The following TTC32 variants were observed in gnomAD, a reference collection of about 807,000 sequenced individuals.
The protein encoded by TTC32 is tetratricopeptide repeat protein 32.
Under a neutral mutation model 15.3 loss-of-function variants are expected in TTC32, and 16 were observed. The ratio of observed to expected loss-of-function variants is 1.05; its 90% CI spans 0.71 to 1.59. The LOEUF (loss-of-function observed/expected upper bound fraction) is 1.59, where lower values mean the gene tolerates loss of function less well. Among genes scored for constraint, TTC32 ranks in the 40% most tolerant of loss-of-function variants. The pLI is 0.00. For missense variants in TTC32, 188 were observed against 181.9 expected (o/e 1.03, Z -0.19); for synonymous variants, 89 against 67.8 (o/e 1.31, Z -1.53).
intron 1 of TTC32, 118 bp from the exon 2 acceptor site, chr2:19,898,153 G>T: frequency 1.1e-6 from 1 of 899,812 alleles, no homozygotes. Flanking sequence ...CATCAACACT[G>T]AAAATCCAAG....
rs1169174665 is a variant in TTC32, at chr2:19,901,970, C to G, written c.-116G>C. On this transcript the variant is annotated 5_prime_UTR_variant, in exon 1 of 3. Transcript: ENST00000333610. ...TCTACCTTGACAGCCAACCTTGGCG[C>G]TAGGTTTGTGCCTTATGGGGATCCG... 9.6e-6 allele frequency: 13 copies of G among 1,352,236 alleles called. No homozygotes were observed. In the South Asian group the frequency reaches 1.5e-4, roughly 16 times the overall value. 83.8% of individuals were successfully genotyped at this position (1,352,236 alleles called of 1,614,324 possible).
chr2:19,899,011 A>G (rs957136218), intron 1 of TTC32, among the ~76,000 whole-genome samples: 1 of 152,236 alleles, frequency 6.6e-6, no homozygotes, highest in Non-Finnish European at 1.5e-5. Context: ...GTCCTCCGAA[A>G]GTATCTGTGA....
rs1465863904 is a variant in TTC32, at chr2:19,897,134, A to G, written c.317-8T>C. On this transcript the variant is annotated splice_region_variant and splice_polypyrimidine_tract_variant and intron_variant, in intron 2 of 2. Coordinates refer to ENST00000333610, the MANE Select transcript of TTC32 (RefSeq NM_001008237.3). ...AAGCATCATCAAAATATCCTGTACC[A>G]GAACCCAAAAAATGGAAAAGAGAAA... The G allele has an allele frequency of 6.3e-7, 1 of 1,577,112 alleles. No individual in the cohort carries two copies. The highest frequency in any genetic ancestry group is 1.2e-5 in the South Asian group (1 of 82,726).
Position 19,901,950 on chromosome 2 carries a change from C to T in TTC32, c.-96G>A. On this transcript the variant is annotated 5_prime_UTR_variant, in exon 1 of 3. Coordinates refer to ENST00000333610, the MANE Select transcript of TTC32 (RefSeq NM_001008237.3). ...GCCACTTCCACACCCTGGAATCTAC[C>T]TTGACAGCCAACCTTGGCGCTAGGT... 1.4e-6 allele frequency: 2 copies of T among 1,466,504 alleles called. No homozygotes were observed. The highest frequency in any genetic ancestry group is 9.3e-7 in the Non-Finnish European group (1 of 1,072,324). 90.8% of individuals were successfully genotyped at this position (1,466,504 alleles called of 1,614,324 possible).
intron 1 of TTC32, chr2:19,901,070 A>AT (rs1250218149): frequency 2.1e-6 from 1 of 471,334 alleles, no homozygotes; most frequent in South Asian, 1.5e-5. Context: ...TGACGACTTG[A>AT]TATTAAGTAA....
intron 1 of TTC32, chr2:19,898,451 A>T (rs537986456): frequency 6.4e-6 from 1 of 155,044 alleles, no homozygotes; most frequent in African/African-American, 2.4e-5. Flanking sequence ...AATCAATTTC[A>T]TTCTCAAATT....
chr2:19,897,982 T>C lies in TTC32; in HGVS notation c.203A>G (p.Lys68Arg), dbSNP rs759285081. The C allele has an allele frequency of 1.9e-6, 3 of 1,609,978 alleles. No individual in the cohort carries two copies. The highest frequency in any genetic ancestry group is 2.2e-5 in the East Asian group (1 of 44,798). The stretch of plus-strand genomic sequence containing the variant: ...TTCATAAAAATCAACCCTGAAGTAC[T>C]TGATTTGCCCCCTGTTGTTATATGC... ...ATAYNNRGQI[K>R]YFRVDFYEAM... The change falls in exon 2 of 3, where the codon AAG (lysine) becomes AGG (arginine). Residue 68 changes from lysine to arginine, a missense_variant. By Grantham distance (26) the Lys-to-Arg change is conservative. Coordinates refer to ENST00000333610, the MANE Select transcript of TTC32 (RefSeq NM_001008237.3).
chr2:19,900,772 C>T (rs924765516), intron 1 of TTC32, among the ~76,000 whole-genome samples: 5 of 152,344 alleles, frequency 3.3e-5, no homozygotes, highest in African/African-American at 7.2e-5. Flanking sequence ...AAAAAGTATT[C>T]TTGCCATGAT....
At chr2:19,898,175 A>C in intron 1 of TTC32, 140 bp from the exon 2 acceptor site, 1 of 755,292 alleles carries the variant, frequency 1.3e-6, no homozygotes, top group Non-Finnish European at 2.0e-6. Flanking sequence ...TGAAGAAAAA[A>C]CGTACAAATA....
intron 1 of TTC32, chr2:19,901,442 G>C: frequency 2.6e-6 from 1 of 383,914 alleles, no homozygotes; most frequent in Non-Finnish European, 4.4e-6. Context: ...CGAGGATCGC[G>C]CAGAGGGCTT....
rs1398122586 is a variant in TTC32 at position 19,900,584 on chromosome 2, T to C, written c.149+1122A>G. 2.0e-5 allele frequency among the ~76,000 whole-genome samples: 3 copies of C among 152,230 alleles called. No homozygotes were observed. The East Asian group carries it at 5.8e-4, about 29-fold the overall frequency. On this transcript the variant is annotated intron_variant, in intron 1 of 2. Transcript: ENST00000333610. ...TCTTTTCTCATCCTGATCCACTCCATACCATCAACAAGCCCAGTCGAGGCA... is the reference window on the plus strand; with the variant it reads ...TCTTTTCTCATCCTGATCCACTCCACACCATCAACAAGCCCAGTCGAGGCA...
intron 1 of TTC32, among the ~76,000 whole-genome samples, chr2:19,899,412 T>C (rs1354346894): frequency 6.6e-6 from 1 of 152,184 alleles, no homozygotes; most frequent in African/African-American, 2.4e-5. Context: ...TTGTTATAAG[T>C]TTTTAATACT....
At chr2:19,901,680 G>C (rs1368491793) in intron 1 of TTC32, 26 bp downstream of exon 1, 2 of 1,600,748 alleles carry the variant, frequency 1.2e-6, no homozygotes, top group South Asian at 1.1e-5. Context: ...CGGGGTCGCC[G>C]CGGCCCCAGG....
chr2:19,900,991 T>G (rs1273059766), intron 1 of TTC32: 5 of 454,094 alleles, frequency 1.1e-5, no homozygotes, highest in Non-Finnish European at 2.3e-5. Context: ...GTATCCTGAC[T>G]TGAACTAACT....
At position 19,901,932 on chromosome 2, in the gene TTC32, C is replaced by A. The variant is rs1279190696; in HGVS notation, c.-78G>T. ...TAGAGGTGGCACCACAAAGCCACTT[C>A]CACACCCTGGAATCTACCTTGACAG... On this transcript the variant is annotated 5_prime_UTR_variant, in exon 1 of 3. Coordinates refer to ENST00000333610, the MANE Select transcript of TTC32 (RefSeq NM_001008237.3). The A allele has an allele frequency of 1.3e-6, 2 of 1,558,940 alleles. No individual in the cohort carries two copies. The highest frequency in any genetic ancestry group is 2.7e-5 in the African/African-American group (2 of 73,822).
chr2:19,901,302 C>T, intron 1 of TTC32: 1 of 296,198 alleles, frequency 3.4e-6, no homozygotes, highest in South Asian at 2.6e-5. Flanking sequence ...GTGACCCCTT[C>T]CCTTCCCAGG....
chr2:19,897,187 C>T, intron 2 of TTC32, 61 bp from the exon 3 acceptor site: 12 of 1,513,632 alleles, frequency 7.9e-6, no homozygotes, highest in Non-Finnish European at 1.1e-5. Context: ...ATATATTATT[C>T]ATGGAAAAGC....
At chr2:19,899,455 A>AT (rs1486714262) in intron 1 of TTC32, among the ~76,000 whole-genome samples, 1 of 150,144 alleles carries the variant, frequency 6.7e-6, no homozygotes, top group African/African-American at 2.4e-5. Flanking sequence ...GAATCATAAA[A>AT]TGTTAGACTT....
At chr2:19,898,937 A>C (rs1243684060) in intron 1 of TTC32, among the ~76,000 whole-genome samples, 1 of 152,212 alleles carries the variant, frequency 6.6e-6, no homozygotes, top group East Asian at 1.9e-4. Flanking sequence ...AGCAATTCTC[A>C]AATTAGAACC....
Sources: allele counts gnomAD v4.1 joint callset (sites outside exome capture counted in the v4.1 genomes callset), GRCh38; gene constraint gnomAD v4.1.1; transcripts MANE v1.5; gene names NCBI Gene and HGNC (gene_info 2026-07-23, HGNC 2026-07-21).